Variants in SH3BGRL observed in about 807,000 individuals in gnomAD.
SH3BGRL encodes the protein adapter SH3BGRL.
In SH3BGRL, 7 loss-of-function variants were observed where a neutral mutation model predicts 9.8. That is an observed-to-expected ratio of 0.72 (90% CI 0.41 to 1.35). The LOEUF (loss-of-function observed/expected upper bound fraction) is 1.35, where lower values mean the gene tolerates loss of function less well. SH3BGRL is among the 40% of genes most tolerant of loss of function. The probability of loss-of-function intolerance (pLI) is 0.01; values close to 1 mark genes in which losing one functional copy is unlikely to be tolerated. For missense variants in SH3BGRL, 73 were observed against 84.4 expected (o/e 0.86, Z 0.53); for synonymous variants, 36 against 29.1 (o/e 1.24, Z -0.76).
At chrX:81,249,103 C>T (rs746606258) in intron 1 of SH3BGRL, among the ~76,000 whole-genome samples, 1 of 111,160 alleles carries the variant, frequency 9.0e-6, no homozygotes. Context: ...AATACGCTGT[C>T]TTGGGAAAAC....
intron 1 of SH3BGRL, among the ~76,000 whole-genome samples, chrX:81,259,367 A>G (rs1163163048): frequency 8.9e-6 from 1 of 111,916 alleles, no homozygotes; most frequent in Non-Finnish European, 1.9e-5. Context: ...ATCATTTCAT[A>G]GCTCTTAATG....
In SH3BGRL at chrX:81,202,263, T is replaced by A; in HGVS notation, c.45+18T>A. 3 of 1,192,073 alleles carry A rather than the reference T, an allele frequency of 2.5e-6. No homozygotes were observed. The highest frequency in any genetic ancestry group is 2.3e-6 in the Non-Finnish European group (2 of 881,976). The stretch of plus-strand genomic sequence containing the variant: ...CTACAGCGGTAAGGAGAGTGGGGAG[T>A]CCACCTTTGTTGTTTTCCTACACAC... On this transcript the variant is annotated intron_variant, in intron 1 of 3. Coordinates refer to ENST00000373212, the MANE Select transcript of SH3BGRL (RefSeq NM_003022.3).
chrX:81,209,259 C>T (rs888337534), intron 1 of SH3BGRL, among the ~76,000 whole-genome samples: 12 of 110,707 alleles, frequency 1.1e-4, no homozygotes, highest in Admixed American at 6.7e-4. Flanking sequence ...CCGCCCTCCT[C>T]GACCTTCCAA....
At chrX:81,286,821 T>C (rs899695239) in intron 3 of SH3BGRL, among the ~76,000 whole-genome samples, 1 of 111,259 alleles carries the variant, frequency 9.0e-6, no homozygotes, top group Non-Finnish European at 1.9e-5. Flanking sequence ...AGCTCTCTGT[T>C]TGATTGGATG....
intron 1 of SH3BGRL, among the ~76,000 whole-genome samples, chrX:81,228,336 G>T (rs1018837343): frequency 9.0e-6 from 1 of 111,439 alleles, no homozygotes; most frequent in Non-Finnish European, 1.9e-5. Context: ...CTGGGAGCGG[G>T]GACAGCTTCC....
intron 1 of SH3BGRL, among the ~76,000 whole-genome samples, chrX:81,249,649 T>A (rs2147693372): frequency 8.9e-6 from 1 of 112,273 alleles, no homozygotes; most frequent in Non-Finnish European, 1.9e-5. Flanking sequence ...TCTCTTGTAG[T>A]CCCCAGAACA....
intron 1 of SH3BGRL, among the ~76,000 whole-genome samples, chrX:81,225,665 A>G (rs1047061196): frequency 9.0e-6 from 1 of 111,348 alleles, no homozygotes; most frequent in African/African-American, 3.3e-5. Flanking sequence ...CCACTGATGG[A>G]CACGGGTTGA....
intron 3 of SH3BGRL, among the ~76,000 whole-genome samples, chrX:81,295,735 A>C (rs1349832566): frequency 9.0e-6 from 1 of 111,178 alleles, no homozygotes; most frequent in Non-Finnish European, 1.9e-5. Flanking sequence ...TGTGACCATT[A>C]CTCCAGTTTC....
intron 3 of SH3BGRL, 75 bp downstream of exon 3, chrX:81,278,486 T>C (rs1399560327): frequency 5.9e-6 from 4 of 676,819 alleles, no homozygotes; most frequent in Non-Finnish European, 8.9e-6. Flanking sequence ...AAGATTTTCA[T>C]TTTTGTTAAG....
intron 1 of SH3BGRL, among the ~76,000 whole-genome samples, chrX:81,242,273 G>A (rs759602187): frequency 1.8e-5 from 2 of 111,939 alleles, no homozygotes; most frequent in Non-Finnish European, 3.8e-5. Context: ...CATTTACAGT[G>A]AACTCATTTT....
chrX:81,255,452 T>G (rs1199022051), intron 1 of SH3BGRL: 2 of 112,045 alleles, frequency 1.8e-5, no homozygotes, highest in Non-Finnish European at 3.8e-5. Flanking sequence ...TCTGTGGAAA[T>G]TACCCAGTTA....
At chrX:81,214,964 G>T (rs1234208472) in intron 1 of SH3BGRL, among the ~76,000 whole-genome samples, 1 of 111,439 alleles carries the variant, frequency 9.0e-6, no homozygotes, top group Non-Finnish European at 1.9e-5. Context: ...TCTCGCTAAT[G>T]CCAACCTAGC....
chrX:81,253,336 G>GT (rs1277547854), intron 1 of SH3BGRL, among the ~76,000 whole-genome samples: 6 of 111,434 alleles, frequency 5.4e-5, no homozygotes, highest in Admixed American at 3.8e-4. Context: ...GATTATTTTT[G>GT]TTTTTTTCTG....
intron 1 of SH3BGRL, among the ~76,000 whole-genome samples, chrX:81,276,754 T>C (rs1356850948): frequency 2.7e-5 from 3 of 109,973 alleles, no homozygotes; most frequent in Non-Finnish European, 5.7e-5. Context: ...ATAATGAAAA[T>C]TTTCAATGGA....
chrX:81,282,398 A>G (rs1178375752), intron 3 of SH3BGRL, among the ~76,000 whole-genome samples: 1 of 111,885 alleles, frequency 8.9e-6, no homozygotes, highest in Non-Finnish European at 1.9e-5. Flanking sequence ...AGCACATGGA[A>G]CTTTCTCCAA....
At chrX:81,253,330 A>G (rs1249305925) in intron 1 of SH3BGRL, among the ~76,000 whole-genome samples, 1 of 111,374 alleles carries the variant, frequency 9.0e-6, no homozygotes, top group Non-Finnish European at 1.9e-5. Context: ...TTGATGGATT[A>G]TTTTTGTTTT....
At chrX:81,248,665 A>G (rs1362295692) in intron 1 of SH3BGRL, among the ~76,000 whole-genome samples, 1 of 112,541 alleles carries the variant, frequency 8.9e-6, no homozygotes, top group Non-Finnish European at 1.9e-5. Context: ...CAGGTTGCCA[A>G]AACATGACTG....
intron 1 of SH3BGRL, among the ~76,000 whole-genome samples, chrX:81,265,011 T>A (rs2075752016): frequency 2.0e-5 from 2 of 98,643 alleles, no homozygotes; most frequent in Admixed American, 2.2e-4. Context: ...ATGACTGTAT[T>A]TTTTTTTTTT....
intron 1 of SH3BGRL, among the ~76,000 whole-genome samples, chrX:81,222,519 T>G (rs1374312888): frequency 9.0e-6 from 1 of 110,836 alleles, no homozygotes; most frequent in East Asian, 2.8e-4. Context: ...TTTTTATGAC[T>G]GCATAGTATT....
Sources: allele counts gnomAD v4.1 joint callset (sites outside exome capture counted in the v4.1 genomes callset), GRCh38; gene constraint gnomAD v4.1.1; transcripts MANE v1.5; gene names NCBI Gene and HGNC (gene_info 2026-07-23, HGNC 2026-07-21).